Variants in MAST4 observed in about 807,000 individuals in gnomAD.
The protein encoded by MAST4 is microtubule associated serine/threonine kinase family member 4, also known as microtubule-associated serine/threonine-protein kinase 4.
A neutral mutation model predicts 162.7 loss-of-function variants in MAST4; 89 were observed. The ratio of observed to expected loss-of-function variants is 0.55; its 90% confidence interval spans 0.46 to 0.65. The LOEUF (loss-of-function observed/expected upper bound fraction) is 0.65, where lower values mean the gene tolerates loss of function less well. Ranked by LOEUF, MAST4 falls within the 30% of genes least tolerant of loss-of-function variation. The pLI, the probability that MAST4 is intolerant of heterozygous loss-of-function variation, is 0.00. For synonymous variants in MAST4, 1,479 were observed against 1,361.1 expected (o/e 1.09, Z -1.91); for missense variants, 3,153 against 3,374.0 (o/e 0.93, Z 1.62).
chr5:66,673,179 G>A (rs1747715953), intron 1 of MAST4, among the ~76,000 whole-genome samples: 1 of 151,884 alleles, frequency 6.6e-6, no homozygotes, highest in African/African-American at 2.4e-5. Context: ...CTTGGGTATT[G>A]TAAAATTTAA....
chr5:67,105,220 C>T (rs1048168763), intron 10 of MAST4, among the ~76,000 whole-genome samples: 8 of 152,156 alleles, frequency 5.3e-5, no homozygotes, highest in African/African-American at 1.9e-4. Flanking sequence ...ATTGACCAGC[C>T]ACAGCCTAAA....
chr5:66,615,997 A>G (rs745728319), intron 1 of MAST4, among the ~76,000 whole-genome samples: 1 of 152,190 alleles, frequency 6.6e-6, no homozygotes, highest in Non-Finnish European at 1.5e-5. Context: ...TCCCCTTTCC[A>G]GTCTGCCAGC....
rs545441058 is a variant in MAST4, at chr5:67,133,132, T to G, written c.2094-382T>G. Among the ~76,000 whole-genome samples the G allele has an allele frequency of 3.9e-5, 6 of 152,240 alleles. No individual in the cohort carries two copies. In the East Asian group the frequency reaches 1.2e-3, roughly 29 times the overall value. ...TGTTTTTCTTTATTTTATGCCTCAT[T>G]TGAATCACAAATGGGTTGCTTAGTT... On this transcript the variant is annotated intron_variant, in intron 16 of 28. Transcript: ENST00000403625.
intron 5 of MAST4, among the ~76,000 whole-genome samples, chr5:67,075,227 A>G (rs183756987): frequency 3.0e-4 from 45 of 150,170 alleles, no homozygotes; most frequent in Middle Eastern, 6.9e-3. Flanking sequence ...CTGGAGTGCA[A>G]TGGCATGATC....
Position 66,621,549 on chromosome 5 carries a change from A to G in MAST4, c.363+24531A>G, listed in dbSNP as rs188812782. Among the ~76,000 whole-genome samples, 5 of 152,310 alleles carry G rather than the reference A, an allele frequency of 3.3e-5. No individual in the cohort carries two copies. The East Asian group carries it at 5.8e-4, about 18-fold the overall frequency. ...TGAGTGGTGGTTACAAGAGTATTCT[A>G]TATTTATTTATTACACTTTGCTCTT... On this transcript the variant is annotated intron_variant, in intron 1 of 28. Coordinates refer to ENST00000403625, the MANE Select transcript of MAST4 (RefSeq NM_001164664.2).
intron 1 of MAST4, among the ~76,000 whole-genome samples, chr5:66,732,095 C>T (rs1463130196): frequency 6.6e-6 from 1 of 152,024 alleles, no homozygotes; most frequent in East Asian, 2.0e-4. Flanking sequence ...ATCCAGTTCA[C>T]TTCCTAGACT....
chr5:67,109,389 G>C (rs944308351), intron 10 of MAST4, among the ~76,000 whole-genome samples: 1 of 151,944 alleles, frequency 6.6e-6, no homozygotes, highest in Non-Finnish European at 1.5e-5. Flanking sequence ...TTACCTTCAG[G>C]CTCTGTGTAT....
At chr5:66,955,550 T>G (rs1485989544) in intron 4 of MAST4, among the ~76,000 whole-genome samples, 1 of 152,156 alleles carries the variant, frequency 6.6e-6, no homozygotes, top group Non-Finnish European at 1.5e-5. Context: ...AATAGTATAA[T>G]GAACCCCTTA....
At chr5:66,670,273 A>G (rs190169841) in intron 1 of MAST4, among the ~76,000 whole-genome samples, 76 of 151,002 alleles carry the variant, frequency 5.0e-4, no homozygotes, top group Admixed American at 9.9e-4. Flanking sequence ...GCTCTTGCAG[A>G]CTCTTCTCCG....
At chr5:66,850,790 C>CT (rs1247754795) in intron 3 of MAST4, among the ~76,000 whole-genome samples, 2 of 151,966 alleles carry the variant, frequency 1.3e-5, no homozygotes, top group African/African-American at 4.8e-5. Flanking sequence ...AACCTGTATA[C>CT]TTTTTTTAAA....
At chr5:66,930,884 C>CTT in intron 4 of MAST4, 1 of 439,896 alleles carries the variant, frequency 2.3e-6, no homozygotes. Flanking sequence ...CAGAACTGAG[C>CTT]TTGTATACTT....
chr5:66,969,329 T>G (rs1747141166), intron 4 of MAST4, among the ~76,000 whole-genome samples: 1 of 152,178 alleles, frequency 6.6e-6, no homozygotes, highest in Non-Finnish European at 1.5e-5. Context: ...GGTGCCTGAG[T>G]CTTGGTCACA....
At chr5:67,065,053 T>C (rs1171244411) in intron 5 of MAST4, among the ~76,000 whole-genome samples, 3 of 152,224 alleles carry the variant, frequency 2.0e-5, no homozygotes, top group Non-Finnish European at 4.4e-5. Flanking sequence ...AATTAATAAA[T>C]AGTATAAATG....
chr5:66,890,902 G>A (rs1368487933), intron 3 of MAST4, among the ~76,000 whole-genome samples: 1 of 152,140 alleles, frequency 6.6e-6, no homozygotes, highest in East Asian at 1.9e-4. Flanking sequence ...ATAAGATAAT[G>A]TATGTCACTG....
chr5:67,069,352 T>C (rs1017383345), intron 5 of MAST4, among the ~76,000 whole-genome samples: 1 of 146,516 alleles, frequency 6.8e-6, no homozygotes, highest in African/African-American at 2.5e-5. Context: ...ACCTTCATAT[T>C]TCTAGTTCTT....
intron 10 of MAST4, 137 bp downstream of exon 10, chr5:67,104,712 A>C (rs953591496): frequency 1.7e-5 from 11 of 634,364 alleles, no homozygotes; most frequent in Non-Finnish European, 2.4e-5. Flanking sequence ...AAAAAAAAAA[A>C]CTCACCTGAT....
chr5:67,010,356 C>T (rs968875544), intron 4 of MAST4, among the ~76,000 whole-genome samples: 2 of 152,054 alleles, frequency 1.3e-5, no homozygotes, highest in Non-Finnish European at 2.9e-5. Flanking sequence ...CTTCAGATAA[C>T]GTGGTCAGGG....
intron 1 of MAST4, among the ~76,000 whole-genome samples, chr5:66,600,013 A>G (rs1027937964): frequency 6.6e-6 from 1 of 152,060 alleles, no homozygotes; most frequent in African/African-American, 2.4e-5. Flanking sequence ...GGCAGTGCTA[A>G]TTTCTTTGGC....
At chr5:66,726,946 G>A (rs1751560572) in intron 1 of MAST4, among the ~76,000 whole-genome samples, 1 of 152,140 alleles carries the variant, frequency 6.6e-6, no homozygotes, top group East Asian at 1.9e-4. Context: ...GAGGGGTGGA[G>A]GCTGATTTAA....
Sources: gnomAD v4.1 joint callset for allele counts (sites outside exome capture counted in the v4.1 genomes callset) on GRCh38, gnomAD v4.1.1 for gene constraint, MANE v1.5 for transcripts, NCBI Gene and HGNC (gene_info 2026-07-23, HGNC 2026-07-21) for gene names.